The following LRRC3B variants were observed in gnomAD, a reference collection of about 807,000 sequenced individuals.
LRRC3B encodes leucine rich repeat containing 3B.
LRRC3B carries 2 observed loss-of-function variants against 12.8 expected under a neutral mutation model. The ratio of observed to expected loss-of-function variants is 0.16; its 90% CI spans 0.06 to 0.49. The LOEUF (loss-of-function observed/expected upper bound fraction) is 0.49, where lower values mean the gene tolerates loss of function less well. Ranked by LOEUF, LRRC3B falls within the 20% of genes least tolerant of loss-of-function variation. The pLI is 0.96. For missense variants in LRRC3B, 189 were observed against 319.4 expected, an observed-to-expected ratio of 0.59 and a Z score of 3.11; for synonymous variants, 132 against 122.0, an observed-to-expected ratio of 1.08 and a Z score of -0.54.
At chr3:26,636,696 G>C (rs191886607) in intron 1 of LRRC3B, among the ~76,000 whole-genome samples, 20 of 152,148 alleles carry the variant, frequency 1.3e-4, no homozygotes, top group African/African-American at 4.1e-4. Flanking sequence ...GGACAACAGT[G>C]CTGAAAAATA....
intron 1 of LRRC3B, among the ~76,000 whole-genome samples, chr3:26,695,947 A>G (rs1700305100): frequency 2.0e-5 from 3 of 152,228 alleles, no homozygotes; most frequent in Admixed American, 6.5e-5. Flanking sequence ...CTTTGATGCC[A>G]AGAACACAGA....
chr3:26,693,048 A>G (rs575471552), intron 1 of LRRC3B, among the ~76,000 whole-genome samples: 34 of 152,316 alleles, frequency 2.2e-4, no homozygotes, highest in African/African-American at 7.9e-4. Context: ...GATCAAGAGC[A>G]GGCCGGGCGC....
rs181658404 is a variant in LRRC3B at position 26,663,948 on chromosome 3, C to T, written c.-161+40711C>T. Among the ~76,000 whole-genome samples, 604 of 152,176 alleles carry T rather than the reference C, an allele frequency of 4.0e-3. 3 individuals carry two copies. Among genetic ancestry groups the T allele is most frequent in the African/African-American group, 0.014 (577 of 41,536 alleles). The stretch of plus-strand genomic sequence containing the variant: ...TAAAATTGCCCCTTTTTAATTCAAT[C>T]AGAGGATTTTTCTATGAACACATTT... On this transcript the variant is annotated intron_variant, in intron 1 of 1. Coordinates refer to ENST00000396641, the Ensembl canonical transcript of LRRC3B.
At chr3:26,703,360 A>C (rs1316275683) in intron 1 of LRRC3B, among the ~76,000 whole-genome samples, 1 of 152,178 alleles carries the variant, frequency 6.6e-6, no homozygotes, top group Non-Finnish European at 1.5e-5. Context: ...AGAATAAGCA[A>C]ATGCTATTCA....
chr3:26,694,503 G>T (rs1559369898), intron 1 of LRRC3B: 2 of 152,154 alleles, frequency 1.3e-5, no homozygotes, highest in Admixed American at 6.6e-5. Context: ...CCCTTTGAAG[G>T]TGTATTCAGA....
chr3:26,662,592 A>G (rs1699515405), intron 1 of LRRC3B, among the ~76,000 whole-genome samples: 1 of 152,182 alleles, frequency 6.6e-6, no homozygotes, highest in Non-Finnish European at 1.5e-5. Flanking sequence ...ACAGATAAAC[A>G]GGCATGTATG....
chr3:26,635,231 C>T (rs1698841110), intron 1 of LRRC3B, among the ~76,000 whole-genome samples: 1 of 152,132 alleles, frequency 6.6e-6, no homozygotes, highest in Admixed American at 6.5e-5. Flanking sequence ...GCCCTATCCC[C>T]TGAGCCACTG....
chr3:26,671,258 G>A (rs1242767516), intron 1 of LRRC3B, among the ~76,000 whole-genome samples: 7 of 144,644 alleles, frequency 4.8e-5, no homozygotes, highest in East Asian at 4.1e-4. Flanking sequence ...CTCGTGATCC[G>A]CCCGCCTCGG....
At position 26,623,412 on chromosome 3, in the gene LRRC3B, GGA is replaced by G. The variant is rs1698553877; in HGVS notation, c.-161+185_-161+186del. On this transcript the variant is annotated intron_variant, in intron 1 of 1. Transcript: ENST00000396641. Reference sequence around the variant, plus strand: ...CAGACCCTGGGAGAGACCTCCTCCTGGAGAGAGAGAGTCGACCCTCTTCGCTC... The same window carrying G: ...CAGACCCTGGGAGAGACCTCCTCCTGGAGAGAGAGTCGACCCTCTTCGCTC... 4.6e-5 allele frequency among the ~76,000 whole-genome samples: 7 copies of G among 152,238 alleles called. No homozygotes were observed. The South Asian group carries it at 1.2e-3, about 27-fold the overall frequency.
intron 1 of LRRC3B, among the ~76,000 whole-genome samples, chr3:26,635,468 A>G (rs1428297272): frequency 6.6e-6 from 1 of 152,220 alleles, no homozygotes; most frequent in Admixed American, 6.5e-5. Flanking sequence ...TTCTTACAAG[A>G]AAAGACAACA....
chr3:26,628,523 A>T (rs1279109179), intron 1 of LRRC3B, among the ~76,000 whole-genome samples: 2 of 151,378 alleles, frequency 1.3e-5, no homozygotes, highest in East Asian at 3.9e-4. Flanking sequence ...TTTAGATTTG[A>T]ATAATCCATA....
intron 1 of LRRC3B, among the ~76,000 whole-genome samples, chr3:26,644,870 A>G (rs909015452): frequency 6.6e-6 from 1 of 152,180 alleles, no homozygotes; most frequent in African/African-American, 2.4e-5. Context: ...TTCAGCCAAA[A>G]TACACATACA....
chr3:26,676,101 AC>A (rs1211881161), intron 1 of LRRC3B, among the ~76,000 whole-genome samples: 1 of 151,694 alleles, frequency 6.6e-6, no homozygotes, highest in Non-Finnish European at 1.5e-5. Context: ...TATTATTAAT[AC>A]TTAAAGTTTT....
At chr3:26,648,643 A>G (rs376735452) in intron 1 of LRRC3B, among the ~76,000 whole-genome samples, 1 of 152,136 alleles carries the variant, frequency 6.6e-6, no homozygotes, top group Non-Finnish European at 1.5e-5. Flanking sequence ...ATCTCCTACC[A>G]TATGGGCTCT....
intron 1 of LRRC3B, among the ~76,000 whole-genome samples, chr3:26,651,292 CAG>C (rs1699259583): frequency 6.6e-6 from 1 of 152,182 alleles, no homozygotes; most frequent in African/African-American, 2.4e-5. Flanking sequence ...ATCACCTCAT[CAG>C]AGAGGGTTTC....
At chr3:26,674,846 G>A (rs763121488) in intron 1 of LRRC3B, among the ~76,000 whole-genome samples, 1 of 152,040 alleles carries the variant, frequency 6.6e-6, no homozygotes, top group Non-Finnish European at 1.5e-5. Context: ...GAGGTTGCCC[G>A]GCCTAATACC....
chr3:26,631,218 G>A (rs542683647), intron 1 of LRRC3B, among the ~76,000 whole-genome samples: 1 of 152,194 alleles, frequency 6.6e-6, no homozygotes, highest in African/African-American at 2.4e-5. Context: ...ACATTCGCTT[G>A]TGTTTTAGCT....
At chr3:26,643,622 T>G (rs1398563541) in intron 1 of LRRC3B, among the ~76,000 whole-genome samples, 1 of 152,168 alleles carries the variant, frequency 6.6e-6, no homozygotes, top group East Asian at 1.9e-4. Flanking sequence ...AATGTGCCTT[T>G]TTTACAGGCC....
Position 26,663,463 on chromosome 3 carries a change from A to G in LRRC3B, c.-161+40226A>G, listed in dbSNP as rs192174732. 7.9e-4 allele frequency among the ~76,000 whole-genome samples: 120 copies of G among 152,264 alleles called. No homozygotes were observed. The Middle Eastern group carries it at 0.02, about 26-fold the overall frequency. On this transcript the variant is annotated intron_variant, in intron 1 of 1. Coordinates refer to ENST00000396641, the Ensembl canonical transcript of LRRC3B. The stretch of plus-strand genomic sequence containing the variant: ...AAAAATTCTATAAACTCTCCATTTA[A>G]TGTAATCATGCCTAAATTGTATTTA...
Sources: allele counts gnomAD v4.1 joint callset (sites outside exome capture counted in the v4.1 genomes callset), GRCh38; gene constraint gnomAD v4.1.1; transcripts MANE v1.5; gene names NCBI Gene and HGNC (gene_info 2026-07-23, HGNC 2026-07-21).